Variants in MYT1L observed in about 807,000 individuals in gnomAD.
MYT1L encodes the protein myelin transcription factor 1 like.
A neutral mutation model predicts 126.7 loss-of-function variants in MYT1L; 12 were observed. The ratio of observed to expected loss-of-function variants is 0.09; its 90% CI spans 0.06 to 0.15. The LOEUF (loss-of-function observed/expected upper bound fraction) is 0.15, where lower values mean the gene tolerates loss of function less well. MYT1L is among the 10% of genes least tolerant of loss of function. The pLI, the probability that MYT1L is intolerant of heterozygous loss-of-function variation, is 1.00. For synonymous variants in MYT1L, 541 were observed against 604.2 expected (o/e 0.90, Z 1.53); for missense variants, 979 against 1,585.2 (o/e 0.62, Z 6.49).
chr2:2,326,852 G>A (rs1573619215), intron 1 of MYT1L: 1 of 152,100 alleles, frequency 6.6e-6, no homozygotes, highest in African/African-American at 2.4e-5. Context: ...GTGTATGCTT[G>A]AACAATGCAG....
chr2:2,295,697 G>GAT (rs2095673423), intron 1 of MYT1L, among the ~76,000 whole-genome samples: 6 of 141,640 alleles, frequency 4.2e-5, no homozygotes, highest in Admixed American at 6.9e-5. Flanking sequence ...GAGAGAGAGA[G>GAT]AGAGAGACAG....
chr2:1,947,105 A>G (rs2057300389), intron 8 of MYT1L, among the ~76,000 whole-genome samples: 1 of 151,934 alleles, frequency 6.6e-6, no homozygotes, highest in Non-Finnish European at 1.5e-5. Flanking sequence ...CCATTCACTA[A>G]AACAGATAAC....
intron 2 of MYT1L, among the ~76,000 whole-genome samples, chr2:2,267,248 T>TGG (rs1264173188): frequency 6.6e-6 from 1 of 152,066 alleles, no homozygotes; most frequent in East Asian, 1.9e-4. Context: ...AGATGGCACG[T>TGG]GGGGCAGACT....
chr2:1,967,361 G>A (rs2059446329), intron 8 of MYT1L, among the ~76,000 whole-genome samples: 1 of 152,166 alleles, frequency 6.6e-6, no homozygotes, highest in Non-Finnish European at 1.5e-5. Flanking sequence ...GTACCCACCT[G>A]GCCTGTCCAG....
chr2:1,877,388 A>T (rs973259963), intron 18 of MYT1L, among the ~76,000 whole-genome samples: 1 of 130,040 alleles, frequency 7.7e-6, no homozygotes, highest in East Asian at 2.3e-4. Context: ...GTGAGTTTAT[A>T]CATATTTTTT....
chr2:1,842,124 G>A (rs1053523256), intron 19 of MYT1L: 3 of 152,312 alleles, frequency 2.0e-5, no homozygotes, highest in Non-Finnish European at 4.4e-5. Flanking sequence ...GTGGGTCCAG[G>A]TGGGAGGCCA....
At chr2:2,090,621 ATATC>A (rs1027442585) in intron 3 of MYT1L, among the ~76,000 whole-genome samples, 1 of 152,256 alleles carries the variant, frequency 6.6e-6, no homozygotes, top group Non-Finnish European at 1.5e-5. Context: ...GAAGTTTTCC[ATATC>A]TATTGGAAAA....
At chr2:2,044,827 C>T (rs2067977764) in intron 4 of MYT1L, among the ~76,000 whole-genome samples, 1 of 152,142 alleles carries the variant, frequency 6.6e-6, no homozygotes, top group Non-Finnish European at 1.5e-5. Flanking sequence ...TCCGTGTTCC[C>T]GATGCCTCAA....
At position 1,889,562 on chromosome 2, in the gene MYT1L, G is replaced by A. The variant is rs13417870; in HGVS notation, c.2284-85C>T. 41 of 1,110,990 alleles carry A rather than the reference G, an allele frequency of 3.7e-5. No individual in the cohort carries two copies. Among genetic ancestry groups the A allele is most frequent in the South Asian group, 1.4e-4 (9 of 64,508 alleles). 68.8% of individuals were successfully genotyped at this position (1,110,990 alleles called of 1,614,324 possible). On this transcript the variant is annotated intron_variant, in intron 15 of 24. Transcript: ENST00000647738. The surrounding 1 kb of genome is among the most constrained non-coding windows in gnomAD (Gnocchi z 4.1). ...CTTCCTCCCAGATTACAGTCCTGCC[G>A]TCAGCCAGTGTAGCGTTCAACACAG...
intron 23 of MYT1L, among the ~76,000 whole-genome samples, chr2:1,797,945 C>A (rs1453185135): frequency 2.4e-5 from 1 of 41,370 alleles, no homozygotes; most frequent in African/African-American, 9.9e-5. Flanking sequence ...CCGGCACAGG[C>A]GCGGCGGTCT....
chr2:1,897,128 T>C (rs2148913014), intron 14 of MYT1L, among the ~76,000 whole-genome samples: 1 of 152,320 alleles, frequency 6.6e-6, no homozygotes, highest in South Asian at 2.1e-4. Flanking sequence ...TTACTGAATA[T>C]AAAAATGTCA....
At chr2:2,176,112 T>C (rs956073898) in intron 2 of MYT1L, among the ~76,000 whole-genome samples, 1 of 152,168 alleles carries the variant, frequency 6.6e-6, no homozygotes, top group Non-Finnish European at 1.5e-5. Flanking sequence ...TAGTTGGAGA[T>C]GAGATTTAGG....
chr2:2,011,222 C>T (rs779494773), intron 4 of MYT1L, among the ~76,000 whole-genome samples: 2 of 151,962 alleles, frequency 1.3e-5, no homozygotes, highest in Non-Finnish European at 2.9e-5. Flanking sequence ...AACCCTGTCT[C>T]TAGTAAAAAT....
At chr2:2,235,080 C>A (rs948027371) in intron 2 of MYT1L, among the ~76,000 whole-genome samples, 27 of 152,236 alleles carry the variant, frequency 1.8e-4, no homozygotes, top group African/African-American at 6.3e-4. Flanking sequence ...TTTCTCTTCT[C>A]TTCCAAGCTA....
chr2:2,205,992 T>C (rs1572448547), intron 2 of MYT1L, among the ~76,000 whole-genome samples: 1 of 151,800 alleles, frequency 6.6e-6, no homozygotes, highest in Non-Finnish European at 1.5e-5. Context: ...TTCTTTCTTT[T>C]TTTTTTTTGA....
chr2:2,103,075 C>G (rs2078294420), intron 3 of MYT1L, among the ~76,000 whole-genome samples: 1 of 152,042 alleles, frequency 6.6e-6, no homozygotes, highest in Non-Finnish European at 1.5e-5. Context: ...ACACCATCCT[C>G]AAGAGGAGGT....
chr2:2,187,689 G>A (rs1458982683), intron 2 of MYT1L, among the ~76,000 whole-genome samples: 1 of 151,982 alleles, frequency 6.6e-6, no homozygotes, highest in African/African-American at 2.4e-5. Context: ...TGCATTCATG[G>A]CTGAATTCAA....
intron 3 of MYT1L, among the ~76,000 whole-genome samples, chr2:2,123,091 C>T (rs933264031): frequency 1.1e-4 from 17 of 152,184 alleles, no homozygotes; most frequent in African/African-American, 4.1e-4. Context: ...CATTCTGGCA[C>T]AGTGGGGGAT....
At chr2:2,105,820 G>C (rs2078679698) in intron 3 of MYT1L, among the ~76,000 whole-genome samples, 1 of 152,158 alleles carries the variant, frequency 6.6e-6, no homozygotes, top group South Asian at 2.1e-4. Context: ...TTATGAAACA[G>C]CATGGAATCA....
Sources: gnomAD v4.1 joint callset for allele counts (sites outside exome capture counted in the v4.1 genomes callset) on GRCh38, gnomAD v4.1.1 for gene constraint, Gnocchi (gnomAD v3.1) non-coding constraint, MANE v1.5 for transcripts, NCBI Gene and HGNC (gene_info 2026-07-23, HGNC 2026-07-21) for gene names.